The following EYS variants were observed in gnomAD, a reference collection of about 807,000 sequenced individuals.
EYS encodes EGF-like photoreceptor maintenance factor, also known as protein eyes shut homolog.
A neutral mutation model predicts 282.1 loss-of-function variants in EYS; 250 were observed. The observed-to-expected ratio is 0.89, with a 90% confidence interval of 0.80 to 0.98. The LOEUF (loss-of-function observed/expected upper bound fraction) is 0.98, where lower values mean the gene tolerates loss of function less well. Ranked by LOEUF, EYS falls within the 50% of genes least tolerant of loss-of-function variation. EYS has a pLI of 0.00. For synonymous variants in EYS, 1,355 were observed against 1,282.9 expected, an observed-to-expected ratio of 1.06 and a Z score of -1.20; for missense variants, 4,016 against 3,709.0, an observed-to-expected ratio of 1.08 and a Z score of -2.15.
intron 1 of EYS, among the ~76,000 whole-genome samples, chr6:65,700,975 G>A (rs560330371): frequency 3.9e-5 from 6 of 152,184 alleles, no homozygotes; most frequent in East Asian, 1.9e-4. Flanking sequence ...TTGCTATACA[G>A]CATCTCATAG....
intron 12 of EYS, among the ~76,000 whole-genome samples, chr6:65,077,174 C>T (rs1360570381): frequency 6.6e-6 from 1 of 151,984 alleles, no homozygotes; most frequent in Non-Finnish European, 1.5e-5. Flanking sequence ...TCTATTAGCC[C>T]TAAGGTTGAG....
intron 41 of EYS, among the ~76,000 whole-genome samples, chr6:63,747,905 T>C (rs1176426051): frequency 6.6e-6 from 1 of 152,054 alleles, no homozygotes; most frequent in Admixed American, 6.6e-5. Context: ...TTTATCCAAT[T>C]TGCCAGTCTG....
At chr6:65,237,504 G>A (rs548336933) in intron 12 of EYS, among the ~76,000 whole-genome samples, 2 of 152,272 alleles carry the variant, frequency 1.3e-5, no homozygotes, top group African/African-American at 4.8e-5. Flanking sequence ...GATTAAAGAA[G>A]TGACAGTAGG....
intron 12 of EYS, among the ~76,000 whole-genome samples, chr6:65,255,381 A>T (rs1767433140): frequency 6.6e-6 from 1 of 151,880 alleles, no homozygotes; most frequent in East Asian, 1.9e-4. Context: ...GTAAATAAAA[A>T]TAAATTAATA....
intron 29 of EYS, among the ~76,000 whole-genome samples, chr6:64,361,352 A>C (rs1257268709): frequency 6.6e-6 from 1 of 151,738 alleles, no homozygotes; most frequent in African/African-American, 2.4e-5. Context: ...GCGATATGAT[A>C]ACTACTAAAG....
intron 22 of EYS, among the ~76,000 whole-genome samples, chr6:64,794,709 T>C (rs1774300819): frequency 6.6e-6 from 1 of 152,164 alleles, no homozygotes; most frequent in Admixed American, 6.5e-5. Flanking sequence ...CATATTCAGC[T>C]TTTAAAAAGG....
At chr6:63,851,495 AT>A (rs1180309096) in intron 36 of EYS, among the ~76,000 whole-genome samples, 4 of 152,252 alleles carry the variant, frequency 2.6e-5, no homozygotes, top group Admixed American at 2.6e-4. Context: ...GTGCATTTAA[AT>A]TAGAACTCAG....
At chr6:64,982,407 T>A (rs1030513204) in intron 14 of EYS, among the ~76,000 whole-genome samples, 1 of 151,376 alleles carries the variant, frequency 6.6e-6, no homozygotes, top group Non-Finnish European at 1.5e-5. Flanking sequence ...TTATTTACTG[T>A]GTTGCTTTTT....
intron 35 of EYS, among the ~76,000 whole-genome samples, chr6:63,948,822 T>C (rs561728407): frequency 6.6e-6 from 1 of 152,312 alleles, no homozygotes; most frequent in East Asian, 1.9e-4. Context: ...CATTTAAGTA[T>C]TGTTCCATAA....
chr6:65,221,898 G>T (rs768126770), intron 12 of EYS, among the ~76,000 whole-genome samples: 3 of 152,168 alleles, frequency 2.0e-5, no homozygotes, highest in Non-Finnish European at 2.9e-5. Context: ...GGAAGAAATG[G>T]AGTCAAAGGA....
In EYS at chr6:65,308,616, A is replaced by AGGGGAATCTGTTTCC. The variant is rs1223065300; in HGVS notation, c.1767-12512_1767-12498dup. Among the ~76,000 whole-genome samples the AGGGGAATCTGTTTCC allele has an allele frequency of 3.4e-5, 5 of 148,960 alleles. No homozygotes were observed. The Admixed American group carries it at 3.4e-4, about 10-fold the overall frequency. Reference sequence around the variant, plus strand: ...CTCAACATTGCACAAACAGGTGCCAAGGGGAATCTGTTTCCTTTTCTATCT... The same window carrying AGGGGAATCTGTTTCC: ...CTCAACATTGCACAAACAGGTGCCAAGGGGAATCTGTTTCCGGGGAATCTGTTTCCTTTTCTATCT... On this transcript the variant is annotated intron_variant, in intron 11 of 42. Transcript: ENST00000503581.
At chr6:64,781,394 A>T (rs570662447) in intron 22 of EYS, among the ~76,000 whole-genome samples, 23 of 152,128 alleles carry the variant, frequency 1.5e-4, no homozygotes, top group African/African-American at 4.8e-4. Flanking sequence ...ATTATTTATC[A>T]ATCAAACCTC....
intron 13 of EYS, among the ~76,000 whole-genome samples, chr6:65,027,058 T>C (rs572858907): frequency 6.6e-6 from 1 of 151,990 alleles, no homozygotes; most frequent in African/African-American, 2.4e-5. Flanking sequence ...TTGGCTACCA[T>C]TTATAATTTA....
chr6:64,945,289 G>T (rs1769248714), intron 15 of EYS, among the ~76,000 whole-genome samples: 1 of 151,956 alleles, frequency 6.6e-6, no homozygotes, highest in Non-Finnish European at 1.5e-5. Flanking sequence ...TCTATTTGGA[G>T]TTTCTTCAGA....
intron 29 of EYS, among the ~76,000 whole-genome samples, chr6:64,343,939 T>A (rs1330533330): frequency 6.6e-6 from 1 of 151,996 alleles, no homozygotes; most frequent in Non-Finnish European, 1.5e-5. Context: ...TCTACTCAAA[T>A]AAACTAGAAA....
chr6:65,490,703 C>G lies in EYS; in HGVS notation c.753G>C (p.Lys251Asn), dbSNP rs758660747. Residue 251 changes from lysine to asparagine, a missense_variant, in exon 5 of 43, where the codon AAG (lysine) becomes AAC (asparagine). Transcript: ENST00000503581. ...ACTGGCCAATTATTTCTGAGCAATT[C>G]TTTCCTATAACAATGAAAAAAAGTT... ...ECVCHPPFTGKNCSEIIGQCQ... is the reference protein window; with the variant it reads ...ECVCHPPFTGNNCSEIIGQCQ... The G allele has an allele frequency of 9.3e-6, 15 of 1,607,514 alleles. No homozygotes were observed. In the South Asian group the frequency reaches 1.7e-4, roughly 18 times the overall value.
intron 12 of EYS, among the ~76,000 whole-genome samples, chr6:65,123,351 A>G: frequency 6.6e-6 from 1 of 152,170 alleles, no homozygotes; most frequent in East Asian, 1.9e-4. Flanking sequence ...GCTGCTTTTA[A>G]TATACCTTAT....
chr6:65,564,251 T>C lies in EYS; in HGVS notation c.-332-68258A>G, dbSNP rs577047265. Reference sequence around the variant, plus strand: ...CCCATTAAGTAATCATTGACTTTCTTCAAAGAGTTAGAAAAAAACTACATT... The same window carrying C: ...CCCATTAAGTAATCATTGACTTTCTCCAAAGAGTTAGAAAAAAACTACATT... On this transcript the variant is annotated intron_variant, in intron 2 of 42. Transcript: ENST00000503581. Among the ~76,000 whole-genome samples the C allele has an allele frequency of 8.5e-5, 13 of 152,240 alleles. No homozygotes were observed. In the South Asian group the frequency reaches 2.7e-3, roughly 32 times the overall value.
At chr6:64,843,859 C>A (rs1410120430) in intron 19 of EYS, among the ~76,000 whole-genome samples, 1 of 152,036 alleles carries the variant, frequency 6.6e-6, no homozygotes, top group Admixed American at 6.6e-5. Flanking sequence ...GTGTCCCCAC[C>A]CAAATCTCAT....
Sources: allele counts gnomAD v4.1 joint callset (sites outside exome capture counted in the v4.1 genomes callset), GRCh38; gene constraint gnomAD v4.1.1; transcripts MANE v1.5; gene names NCBI Gene and HGNC (gene_info 2026-07-23, HGNC 2026-07-21).